The following CFAP54 variants were observed in gnomAD, a reference collection of about 807,000 sequenced individuals.
CFAP54 encodes the protein cilia- and flagella-associated protein 54.
CFAP54 carries 290 observed loss-of-function variants against 370.4 expected under a neutral mutation model. The observed-to-expected ratio is 0.78, with a 90% CI of 0.71 to 0.86. The LOEUF (loss-of-function observed/expected upper bound fraction) is 0.86. CFAP54 is among the 40% of genes least tolerant of loss of function. The pLI is 0.00. For missense variants in CFAP54, 3,399 were observed against 3,528.7 expected (o/e 0.96, Z 0.93); for synonymous variants, 1,206 against 1,236.5 (o/e 0.98, Z 0.52).
intron 14 of CFAP54, among the ~76,000 whole-genome samples, chr12:96,543,570 C>A (rs1370965559): frequency 6.6e-6 from 1 of 151,386 alleles, no homozygotes; most frequent in Non-Finnish European, 1.5e-5. Context: ...ACCTGTTTGG[C>A]TAGTCTGGTT....
At chr12:96,692,968 C>T (rs1191038543) in intron 44 of CFAP54, among the ~76,000 whole-genome samples, 1 of 152,122 alleles carries the variant, frequency 6.6e-6, no homozygotes, top group Non-Finnish European at 1.5e-5. Flanking sequence ...CAGTGTTAGG[C>T]AAAACTGTCC....
chr12:96,538,601 TC>T (rs1423140437), intron 13 of CFAP54, 83 bp downstream of exon 13: 11 of 1,403,622 alleles, frequency 7.8e-6, no homozygotes, highest in Non-Finnish European at 1.1e-5. Context: ...TCTAAATTTT[TC>T]CTATTTTTCA....
At chr12:96,651,956 T>G (rs946963274) in intron 36 of CFAP54, 141 bp downstream of exon 36, 1 of 629,670 alleles carries the variant, frequency 1.6e-6, no homozygotes, top group African/African-American at 1.8e-5. Flanking sequence ...TATAATTTTG[T>G]TTACAATATA....
At chr12:96,615,048 T>C (rs1387059513) in intron 26 of CFAP54, among the ~76,000 whole-genome samples, 1 of 152,048 alleles carries the variant, frequency 6.6e-6, no homozygotes, top group South Asian at 2.1e-4. Flanking sequence ...GAGCCTGCAT[T>C]GCCAAGACAA....
At chr12:96,586,440 G>A (rs1033968639) in intron 22 of CFAP54, among the ~76,000 whole-genome samples, 2 of 152,190 alleles carry the variant, frequency 1.3e-5, no homozygotes, top group Non-Finnish European at 2.9e-5. Flanking sequence ...AATTGGAAAT[G>A]TGAAGTAGGG....
At chr12:96,860,759 A>G in intron 66 of CFAP54, 60 bp from the exon 67 acceptor site, 1 of 1,434,790 alleles carries the variant, frequency 7.0e-7, no homozygotes, top group Non-Finnish European at 9.1e-7. Context: ...GGGTATTTTG[A>G]GAACTTTGTC....
In CFAP54 at chr12:96,576,698, C is replaced by G. The variant is rs191638404; in HGVS notation, c.2733C>G (p.Ile911Met). Residue 911 changes from isoleucine (I) to methionine (M), a missense_variant, in exon 20 of 68, where the codon ATC (isoleucine) becomes ATG (methionine). Around this residue, in one of 3 missense-constraint regions of CFAP54, gnomAD observed 2,796 missense variants for 2,869.7 expected, o/e 0.97. Transcript: ENST00000524981. ...AAAGCAGAGTCCCCCCTCCACCTAT[C>G]CTGCTGTCTCGAACTCATTGTTCTG... is the stretch of plus-strand genomic sequence containing the variant. ...RKKSRVPPPP[I>M]LLSRTHCSVT... The G allele has an allele frequency of 5.5e-5, 85 of 1,535,962 alleles. No homozygotes were observed. The African/African-American group carries it at 1.0e-3, about 19-fold the overall frequency.
chr12:96,630,795 A>G (rs566880158), intron 32 of CFAP54, 144 bp downstream of exon 32: 77 of 441,400 alleles, frequency 1.7e-4, no homozygotes, highest in African/African-American at 1.4e-3. Flanking sequence ...TGAAAAAAGC[A>G]TAGTAAACAA....
intron 44 of CFAP54, among the ~76,000 whole-genome samples, chr12:96,691,729 A>G (rs1395417461): frequency 1.1e-4 from 17 of 152,030 alleles, no homozygotes; most frequent in Non-Finnish European, 1.2e-4. Flanking sequence ...TTTCTCTGTC[A>G]AGGGTGCATC....
At chr12:96,847,371 C>T (rs1251460484) in intron 66 of CFAP54, among the ~76,000 whole-genome samples, 3 of 152,082 alleles carry the variant, frequency 2.0e-5, no homozygotes, top group South Asian at 4.2e-4. Flanking sequence ...TGCACCATCC[C>T]GGAAGCTCCC....
At chr12:96,858,491 T>C (rs968677881) in intron 66 of CFAP54, among the ~76,000 whole-genome samples, 2 of 152,232 alleles carry the variant, frequency 1.3e-5, no homozygotes, top group Non-Finnish European at 2.9e-5. Context: ...GCTCTTAAGT[T>C]TAATTAGATC....
intron 22 of CFAP54, 120 bp downstream of exon 22, chr12:96,581,225 T>C: frequency 1.6e-6 from 1 of 614,224 alleles, no homozygotes; most frequent in Admixed American, 4.1e-5. Flanking sequence ...ATAACACATA[T>C]TATCCATTAC....
intron 45 of CFAP54, among the ~76,000 whole-genome samples, chr12:96,695,121 A>C (rs924397347): frequency 2.0e-5 from 3 of 152,224 alleles, no homozygotes; most frequent in African/African-American, 4.8e-5. Flanking sequence ...ACTATGTCTG[A>C]CTTCAAGCTA....
chr12:96,704,191 G>C (rs1592716709), intron 46 of CFAP54, among the ~76,000 whole-genome samples: 1 of 151,884 alleles, frequency 6.6e-6, no homozygotes, highest in African/African-American at 2.4e-5. Flanking sequence ...ACTTTGGGAG[G>C]CTGAGGCGGG....
At chr12:96,667,828 T>C (rs1957099103) in intron 39 of CFAP54, among the ~76,000 whole-genome samples, 1 of 152,204 alleles carries the variant, frequency 6.6e-6, no homozygotes, top group Non-Finnish European at 1.5e-5. Context: ...TGTACTGCAT[T>C]GTCAGGCTGT....
At chr12:96,664,313 T>G (rs773054697) in intron 39 of CFAP54, among the ~76,000 whole-genome samples, 4 of 151,998 alleles carry the variant, frequency 2.6e-5, no homozygotes, top group Non-Finnish European at 5.9e-5. Flanking sequence ...CCAGAGTGTG[T>G]GTTATTCTCT....
At chr12:96,721,882 A>T (rs1188171682) in intron 50 of CFAP54, among the ~76,000 whole-genome samples, 1 of 152,214 alleles carries the variant, frequency 6.6e-6, no homozygotes, top group Non-Finnish European at 1.5e-5. Context: ...GATAAGTGCT[A>T]TGGAGAATAT....
chr12:96,627,626 C>T (rs1469350874), intron 30 of CFAP54, among the ~76,000 whole-genome samples: 1 of 152,028 alleles, frequency 6.6e-6, no homozygotes, highest in East Asian at 1.9e-4. Context: ...AAGATTTCTT[C>T]CTAAAATAGG....
At chr12:96,591,829 T>G (rs1166494070) in intron 23 of CFAP54, among the ~76,000 whole-genome samples, 1 of 150,346 alleles carries the variant, frequency 6.7e-6, no homozygotes, top group African/African-American at 2.5e-5. Context: ...AGGCGGAGCT[T>G]GCAGTGAGTC....
Sources: allele counts gnomAD v4.1 joint callset (sites outside exome capture counted in the v4.1 genomes callset), GRCh38; gene constraint gnomAD v4.1.1; regional missense constraint gnomAD v4.1.1; transcripts MANE v1.5; gene names NCBI Gene and HGNC (gene_info 2026-07-23, HGNC 2026-07-21).